NELL2: variants seen among roughly 807,000 people sequenced by gnomAD.
NELL2 encodes neural EGFL like 2.
NELL2 carries 41 observed loss-of-function variants against 109.6 expected under a neutral mutation model. That is an observed-to-expected ratio of 0.37 (90% CI 0.29 to 0.49). The LOEUF (loss-of-function observed/expected upper bound fraction) is 0.49. Ranked by LOEUF, NELL2 falls within the 20% of genes least tolerant of loss-of-function variation. NELL2 has a pLI of 0.98. For missense variants in NELL2, 900 were observed against 1,008.3 expected, an observed-to-expected ratio of 0.89 and a Z score of 1.45; for synonymous variants, 355 against 344.7, an observed-to-expected ratio of 1.03 and a Z score of -0.33.
intron 11 of NELL2, among the ~76,000 whole-genome samples, chr12:44,705,900 C>T (rs1427067859): frequency 1.3e-5 from 2 of 151,976 alleles, no homozygotes; most frequent in African/African-American, 4.8e-5. Context: ...TTTTCAAAAC[C>T]TTCCTTCAAC....
chr12:44,560,335 A>G (rs893415155), intron 15 of NELL2, among the ~76,000 whole-genome samples: 10 of 152,220 alleles, frequency 6.6e-5, no homozygotes, highest in African/African-American at 2.4e-4. Context: ...ATCAGAGCAG[A>G]ACAGAGGAAG....
At chr12:44,611,926 T>C (rs1049981867) in intron 13 of NELL2, among the ~76,000 whole-genome samples, 1 of 152,076 alleles carries the variant, frequency 6.6e-6, no homozygotes, top group African/African-American at 2.4e-5. Context: ...AGTTCAGCCA[T>C]CTAAAATCCC....
chr12:44,626,651 G>A (rs1946276948), intron 13 of NELL2, among the ~76,000 whole-genome samples: 1 of 152,116 alleles, frequency 6.6e-6, no homozygotes, highest in South Asian at 2.1e-4. Flanking sequence ...AGTAGAAACA[G>A]AGAATTTTAA....
At chr12:44,728,290 A>C (rs1356660773) in intron 9 of NELL2, among the ~76,000 whole-genome samples, 1 of 152,058 alleles carries the variant, frequency 6.6e-6, no homozygotes, top group Non-Finnish European at 1.5e-5. Context: ...AATAGACAGT[A>C]ATTTTTTAAA....
intron 1 of NELL2, among the ~76,000 whole-genome samples, chr12:44,900,191 T>G (rs1212861868): frequency 6.6e-6 from 1 of 152,110 alleles, no homozygotes; most frequent in African/African-American, 2.4e-5. Context: ...CTCTCAATAT[T>G]AGACAGATCA....
At chr12:44,876,574 G>A (rs370035929), upstream of NELL2, 3 of 1,499,820 alleles carry the variant, frequency 2.0e-6, no homozygotes, top group Middle Eastern at 1.7e-4. Context: ...CTAAATCCAA[G>A]GTGCTAAGTT....
chr12:44,797,011 A>C (rs1044624352), intron 3 of NELL2, among the ~76,000 whole-genome samples: 1 of 152,182 alleles, frequency 6.6e-6, no homozygotes, highest in Non-Finnish European at 1.5e-5. Flanking sequence ...GGCATTGCAT[A>C]TATTTTTAAA....
chr12:44,853,162 T>C (rs1944581114), intron 2 of NELL2, among the ~76,000 whole-genome samples: 1 of 152,148 alleles, frequency 6.6e-6, no homozygotes, highest in Non-Finnish European at 1.5e-5. Context: ...CATAACATAA[T>C]AGTCTTATAA....
At chr12:44,626,980 TA>T (rs1316284363) in intron 13 of NELL2, among the ~76,000 whole-genome samples, 2 of 152,310 alleles carry the variant, frequency 1.3e-5, no homozygotes, top group South Asian at 2.1e-4. Flanking sequence ...TTCCCTTCAC[TA>T]ACAGTGAGCC....
chr12:44,584,101 T>C (rs1944417547), intron 15 of NELL2, among the ~76,000 whole-genome samples: 1 of 151,660 alleles, frequency 6.6e-6, no homozygotes. Context: ...AAGAATGCCT[T>C]TGTCATCTAC....
intron 13 of NELL2, among the ~76,000 whole-genome samples, chr12:44,646,041 A>G (rs10785515): frequency 0.59 from 88,820 of 151,808 alleles, 26,588 homozygotes; most frequent in East Asian, 0.73. Context: ...CTCCCTTCAT[A>G]GATTATAAAG....
chr12:44,721,787 G>C lies in NELL2; in HGVS notation c.995-7046C>G, dbSNP rs530640959. On this transcript the variant is annotated intron_variant, in intron 9 of 19. Transcript: ENST00000429094. ...TTACAAGTAAAAAAACATTGAAAAAGTGATTTTGCTCTTTTATAACAGTTT... is the reference window on the plus strand; with the variant it reads ...TTACAAGTAAAAAAACATTGAAAAACTGATTTTGCTCTTTTATAACAGTTT... Among the ~76,000 whole-genome samples, 4 of 152,178 alleles carry C rather than the reference G, an allele frequency of 2.6e-5. No homozygotes were observed. In the South Asian group the frequency reaches 6.2e-4, roughly 24 times the overall value.
chr12:44,717,750 C>T (rs1370723315), intron 9 of NELL2, among the ~76,000 whole-genome samples: 2 of 152,146 alleles, frequency 1.3e-5, no homozygotes, highest in Non-Finnish European at 2.9e-5. Flanking sequence ...CAGCTACTGC[C>T]AGAGACATAG....
chr12:44,719,094 A>C (rs766082796), intron 9 of NELL2, among the ~76,000 whole-genome samples: 1 of 152,216 alleles, frequency 6.6e-6, no homozygotes, highest in Non-Finnish European at 1.5e-5. Flanking sequence ...AAAATCAATT[A>C]ATAAAAATTA....
rs1941216334 is a variant in NELL2 at position 44,515,391 on chromosome 12, A to G, written c.2400+4614T>C. Among the ~76,000 whole-genome samples, 3 of 152,062 alleles carry G rather than the reference A, an allele frequency of 2.0e-5. No individual in the cohort carries two copies. In the South Asian group the frequency reaches 6.2e-4, roughly 32 times the overall value. The stretch of plus-strand genomic sequence containing the variant: ...ACATTACATAACAACAAAATGGTCA[A>G]TTCAACAGAAGATATAAATGAGTAC... On this transcript the variant is annotated intron_variant, in intron 19 of 19. Transcript: ENST00000429094.
intron 15 of NELL2, among the ~76,000 whole-genome samples, chr12:44,567,987 C>T (rs1592132718): frequency 1.3e-5 from 2 of 151,856 alleles, no homozygotes; most frequent in Admixed American, 1.3e-4. Flanking sequence ...TAGACACAAC[C>T]TATAAAATCA....
chr12:44,796,944 C>A (rs1171250189), intron 3 of NELL2, among the ~76,000 whole-genome samples: 1 of 151,868 alleles, frequency 6.6e-6, no homozygotes, highest in Non-Finnish European at 1.5e-5. Context: ...CAGCAAAACA[C>A]AAACAAATCC....
chr12:44,593,075 T>C (rs1331032071), intron 15 of NELL2, among the ~76,000 whole-genome samples: 1 of 152,054 alleles, frequency 6.6e-6, no homozygotes, highest in African/African-American at 2.4e-5. Context: ...GATTCCAGTA[T>C]AAAAAAGAAA....
At chr12:44,563,386 C>A (rs868684885) in intron 15 of NELL2, among the ~76,000 whole-genome samples, 13 of 151,526 alleles carry the variant, frequency 8.6e-5, no homozygotes, top group African/African-American at 3.1e-4. Flanking sequence ...TTTTCTTTTT[C>A]TCTTGCCTTT....
Sources: gnomAD v4.1 joint callset for allele counts (sites outside exome capture counted in the v4.1 genomes callset) on GRCh38, gnomAD v4.1.1 for gene constraint, MANE v1.5 for transcripts, NCBI Gene and HGNC (gene_info 2026-07-23, HGNC 2026-07-21) for gene names.